The following VAMP3 variants were observed in gnomAD, a reference collection of about 807,000 sequenced individuals.
The protein encoded by VAMP3 is vesicle-associated membrane protein 3.
Under a neutral mutation model 18.1 loss-of-function variants are expected in VAMP3, and 11 were observed. That is an observed-to-expected ratio of 0.61 (90% confidence interval 0.38 to 1.00). The LOEUF is 1.00. VAMP3 is among the 50% of genes least tolerant of loss of function. VAMP3 has a pLI of 0.01. For synonymous variants in VAMP3, 49 were observed against 43.1 expected (o/e 1.14, Z -0.53); for missense variants, 122 against 127.3 (o/e 0.96, Z 0.20).
At chr1:7,778,716 A>G (rs957339494) in intron 4 of VAMP3, among the ~76,000 whole-genome samples, 2 of 152,030 alleles carry the variant, frequency 1.3e-5, no homozygotes, top group African/African-American at 4.8e-5. Flanking sequence ...ATTTCCTTTT[A>G]TGTAATGTAG....
chr1:7,779,634 G>T lies in VAMP3; in HGVS notation c.292G>T (p.Val98Phe). 6.2e-7 allele frequency: 1 copy of T among 1,614,146 alleles called. No homozygotes were observed. Among genetic ancestry groups the T allele is most frequent in the Non-Finnish European group, 8.5e-7 (1 of 1,180,036 alleles). Residue 98 changes from valine (V) to phenylalanine (F), a missense_variant, in exon 5 of 5, where the codon GTC becomes TTC. Transcript: ENST00000054666. ...TCTCTCCTCCTTCTTAGTGTGGGTT[G>T]TCTCTTCATGAAGAACCAGCGGAAC... ...IFIIIIIVWV[V>F]SS
At chr1:7,777,047 G>C in intron 2 of VAMP3, 113 bp from the exon 3 acceptor site, 1 of 1,263,408 alleles carries the variant, frequency 7.9e-7, no homozygotes, top group Non-Finnish European at 1.1e-6. Flanking sequence ...CTGACCACAG[G>C]TGATCCACCC....
In VAMP3 at chr1:7,780,509, T is replaced by A. The variant is rs1282787661; in HGVS notation, c.*864T>A. On this transcript the variant is annotated 3_prime_UTR_variant, in exon 5 of 5. Coordinates refer to ENST00000054666, the MANE Select transcript of VAMP3 (RefSeq NM_004781.4). Reference sequence around the variant, plus strand: ...GTAGACAGTGTGGCTCCCCTTCTGATTCAGTATTTTGCATGGGGGTTAGAG... The same window carrying A: ...GTAGACAGTGTGGCTCCCCTTCTGAATCAGTATTTTGCATGGGGGTTAGAG... 6.6e-6 allele frequency: 1 copy of A among 152,592 alleles called. No homozygotes were observed. Among genetic ancestry groups the A allele is most frequent in the Non-Finnish European group, 1.5e-5 (1 of 68,044 alleles). 9.5% of individuals were successfully genotyped at this position (152,592 alleles called of 1,614,324 possible).
chr1:7,778,298 C>T, intron 4 of VAMP3, 129 bp downstream of exon 4: 2 of 1,114,194 alleles, frequency 1.8e-6, no homozygotes, highest in Middle Eastern at 2.0e-4. Context: ...TGCGGTGACT[C>T]ATGCCTGTAA....
intron 2 of VAMP3, among the ~76,000 whole-genome samples, chr1:7,774,223 T>A (rs1023655291): frequency 6.6e-6 from 1 of 152,250 alleles, no homozygotes; most frequent in African/African-American, 2.4e-5. Flanking sequence ...ATACTGTTGT[T>A]AAATAATATA....
At chr1:7,778,074 A>G (rs1242084983) in intron 3 of VAMP3, 44 bp from the exon 4 acceptor site, 4 of 1,601,752 alleles carry the variant, frequency 2.5e-6, no homozygotes, top group Non-Finnish European at 3.4e-6. Context: ...CAAGCACATT[A>G]TGTCTGCATT....
chr1:7,780,078 G>C lies in VAMP3; in HGVS notation c.*433G>C, dbSNP rs184288726. ...CTAACACAAATCTGTGATAACAACA[G>C]GCTGTGCCTTATTTTGATAATTTTC... On this transcript the variant is annotated 3_prime_UTR_variant, in exon 5 of 5. Coordinates refer to ENST00000054666, the MANE Select transcript of VAMP3 (RefSeq NM_004781.4). 4.3e-5 allele frequency: 7 copies of C among 164,096 alleles called. No homozygotes were observed. The highest frequency in any genetic ancestry group is 2.5e-4 in the Admixed American group (4 of 16,010). 10.2% of individuals were successfully genotyped at this position (164,096 alleles called of 1,614,324 possible).
At chr1:7,773,701 C>T (rs188150412) in intron 2 of VAMP3, among the ~76,000 whole-genome samples, 190 bp downstream of exon 2, 4 of 152,180 alleles carry the variant, frequency 2.6e-5, no homozygotes, top group Non-Finnish European at 5.9e-5. Flanking sequence ...CTAGGTTTCA[C>T]GCTTGTTTTC....
rs572034993 is a variant in VAMP3 at position 7,774,854 on chromosome 1, T to C, written c.72+1343T>C. 5.2e-5 allele frequency among the ~76,000 whole-genome samples: 8 copies of C among 152,404 alleles called. 1 individual carries two copies. The highest frequency in any genetic ancestry group is 1.9e-4 in the African/African-American group (8 of 41,602). On this transcript the variant is annotated intron_variant, in intron 2 of 4. Transcript: ENST00000054666. ...ACCTTTCAGCAATTATGAATAATGC[T>C]GTTATAAATATTCACAGGAAAGATT...
At chr1:7,771,445 G>C (rs995233159) in intron 1 of VAMP3, 60 bp downstream of exon 1, 7 of 1,493,824 alleles carry the variant, frequency 4.7e-6, no homozygotes, top group Non-Finnish European at 6.2e-6. Flanking sequence ...CTCGCGCTGG[G>C]ACCGCCATAC....
At chr1:7,779,388 A>G (rs1478575725) in intron 4 of VAMP3, among the ~76,000 whole-genome samples, 1 of 152,196 alleles carries the variant, frequency 6.6e-6, no homozygotes, top group African/African-American at 2.4e-5. Context: ...TCTTTCATTG[A>G]TAGATGGATG....
intron 2 of VAMP3, among the ~76,000 whole-genome samples, chr1:7,774,120 T>C (rs150551724): frequency 3.1e-3 from 467 of 152,352 alleles, no homozygotes; most frequent in Middle Eastern, 6.8e-3. Context: ...CAGACTAGTG[T>C]TTCCACATTC....
At chr1:7,775,025 G>A (rs895133643) in intron 2 of VAMP3, among the ~76,000 whole-genome samples, 6 of 152,204 alleles carry the variant, frequency 3.9e-5, no homozygotes, top group African/African-American at 1.2e-4. Flanking sequence ...CACCAGCAAT[G>A]TCCAAGAGTT....
intron 4 of VAMP3, among the ~76,000 whole-genome samples, chr1:7,778,787 C>T (rs536095291): frequency 6.6e-6 from 1 of 152,272 alleles, no homozygotes; most frequent in African/African-American, 2.4e-5. Context: ...AGCTGTATGG[C>T]CGTGGACAAG....
At chr1:7,778,015 C>T in intron 3 of VAMP3, 103 bp from the exon 4 acceptor site, 1 of 1,289,854 alleles carries the variant, frequency 7.8e-7, no homozygotes, top group Non-Finnish European at 1.1e-6. Context: ...CTGTATGCAC[C>T]TGAATTTCCC....
chr1:7,771,328 C>G lies in VAMP3; in HGVS notation c.-56C>G, dbSNP rs1229390672. 3 of 1,593,118 alleles carry G rather than the reference C, an allele frequency of 1.9e-6. No individual in the cohort carries two copies. In the East Asian group the frequency reaches 7.0e-5, roughly 37 times the overall value. ...CCATCTCCCTGGCCTCCGGTCCCAA[C>G]TTCGCTTCTCTGCTGACCCTCTCTC... On this transcript the variant is annotated 5_prime_UTR_variant, in exon 1 of 5. Coordinates refer to ENST00000054666, the MANE Select transcript of VAMP3 (RefSeq NM_004781.4).
intron 2 of VAMP3, 94 bp from the exon 3 acceptor site, chr1:7,777,066 C>T: frequency 2.8e-6 from 4 of 1,430,140 alleles, no homozygotes; most frequent in African/African-American, 1.4e-5. Context: ...CCACCTCGGC[C>T]TCCCAAAGTG....
chr1:7,771,665 C>T (rs2097051008), intron 1 of VAMP3, among the ~76,000 whole-genome samples: 1 of 152,244 alleles, frequency 6.6e-6, no homozygotes, highest in Admixed American at 6.5e-5. Flanking sequence ...CGCTCCTCGC[C>T]CCTTCCCTTT....
chr1:7,775,517 T>G (rs1253122669), intron 2 of VAMP3, among the ~76,000 whole-genome samples: 1 of 152,062 alleles, frequency 6.6e-6, no homozygotes, highest in Non-Finnish European at 1.5e-5. Flanking sequence ...CCGGCTAATT[T>G]TTTGTATTTT....
Sources: gnomAD v4.1 joint callset for allele counts (sites outside exome capture counted in the v4.1 genomes callset) on GRCh38, gnomAD v4.1.1 for gene constraint, MANE v1.5 for transcripts, NCBI Gene and HGNC (gene_info 2026-07-23, HGNC 2026-07-21) for gene names.